Variants in SGK3 observed in about 807,000 individuals in gnomAD.
SGK3 encodes the protein serum/glucocorticoid regulated kinase family member 3.
Under a neutral mutation model 68.5 loss-of-function variants are expected in SGK3, and 47 were observed. That is an observed-to-expected ratio of 0.69 (90% confidence interval 0.54 to 0.87). The LOEUF is 0.87. Ranked by LOEUF, SGK3 falls within the 40% of genes least tolerant of loss-of-function variation. The pLI is 0.00. For synonymous variants in SGK3, 181 were observed against 189.1 expected, an observed-to-expected ratio of 0.96 and a Z score of 0.35; for missense variants, 479 against 575.5, an observed-to-expected ratio of 0.83 and a Z score of 1.72.
At chr8:66,759,883 C>T (rs950402137) in intron 1 of SGK3, among the ~76,000 whole-genome samples, 15 of 152,088 alleles carry the variant, frequency 9.9e-5, no homozygotes, top group Admixed American at 2.0e-4. Context: ...CCACGCCCAG[C>T]CCCTCTTCTG....
At chr8:66,802,671 A>G (rs1330930078) in intron 3 of SGK3, among the ~76,000 whole-genome samples, 2 of 151,578 alleles carry the variant, frequency 1.3e-5, no homozygotes, top group Non-Finnish European at 2.9e-5. Context: ...CTTAAGGGAA[A>G]AAAGAAAGAA....
chr8:66,759,638 G>T (rs576908836), intron 1 of SGK3, among the ~76,000 whole-genome samples: 137 of 152,046 alleles, frequency 9.0e-4, no homozygotes, highest in African/African-American at 3.1e-3. Context: ...CACCATTTTG[G>T]CCAGGATGGT....
intron 11 of SGK3, 46 bp from the exon 12 acceptor site, chr8:66,840,165 T>C (rs751304872): frequency 1.9e-6 from 3 of 1,598,572 alleles, no homozygotes. Flanking sequence ...AATATTTTAT[T>C]TCGGTTTGTA....
intron 5 of SGK3, among the ~76,000 whole-genome samples, chr8:66,820,100 G>C (rs1301186906): frequency 1.3e-5 from 2 of 152,142 alleles, no homozygotes; most frequent in Non-Finnish European, 2.9e-5. Flanking sequence ...ACAGGTGTGA[G>C]CCACTGCACC....
Position 66,836,496 on chromosome 8 carries a change from C to G in SGK3, c.741+422C>G, listed in dbSNP as rs538324214. Among the ~76,000 whole-genome samples, 18 of 152,136 alleles carry G rather than the reference C, an allele frequency of 1.2e-4. No individual in the cohort carries two copies. The South Asian group carries it at 3.7e-3, about 32-fold the overall frequency. ...CTAATAAGGGGCTCTGTGGTGGTAGCTTGGCTCAGTGACTCGCACCTTTAA... is the reference window on the plus strand; with the variant it reads ...CTAATAAGGGGCTCTGTGGTGGTAGGTTGGCTCAGTGACTCGCACCTTTAA... On this transcript the variant is annotated intron_variant, in intron 10 of 16. Transcript: ENST00000521198.
At position 66,777,825 on chromosome 8, in the gene SGK3, G is replaced by T. The variant is rs1288814726; in HGVS notation, c.-121-15791G>T. On this transcript the variant is annotated intron_variant, in intron 1 of 16. Transcript: ENST00000521198. Reference sequence around the variant, plus strand: ...GATGAAGAGATGAGTTCCAGTTTAGGTTTGTAAATATGACAGTAGAATTAA... The same window carrying T: ...GATGAAGAGATGAGTTCCAGTTTAGTTTTGTAAATATGACAGTAGAATTAA... 5 of 152,196 alleles carry T rather than the reference G, an allele frequency of 3.3e-5. No homozygotes were observed. In the East Asian group the frequency reaches 7.7e-4, roughly 23 times the overall value. 9.4% of individuals were successfully genotyped at this position (152,196 alleles called of 1,614,324 possible). A position where few individuals can be genotyped will look rare whatever the true frequency, so the allele number is the denominator to read the frequency against.
chr8:66,723,035 A>G (rs1804841622), intron 1 of SGK3, among the ~76,000 whole-genome samples: 1 of 146,240 alleles, frequency 6.8e-6, no homozygotes, highest in South Asian at 2.2e-4. Flanking sequence ...AGAAACAAAT[A>G]TCCAAACTAT....
intron 1 of SGK3, among the ~76,000 whole-genome samples, chr8:66,741,875 C>T (rs1350713265): frequency 4.6e-5 from 7 of 152,316 alleles, no homozygotes; most frequent in South Asian, 2.1e-4. Flanking sequence ...AAGGAAGTTA[C>T]GGTCTAATTG....
intron 1 of SGK3, among the ~76,000 whole-genome samples, chr8:66,730,264 A>G (rs952718264): frequency 1.3e-5 from 2 of 152,216 alleles, no homozygotes; most frequent in African/African-American, 4.8e-5. Context: ...TCTTCTCTAC[A>G]GAAATGTCTA....
At chr8:66,737,145 T>A (rs1805342585) in intron 1 of SGK3, 1 of 151,824 alleles carries the variant, frequency 6.6e-6, no homozygotes, top group African/African-American at 2.4e-5. Flanking sequence ...TCTTAATAGA[T>A]AAAATTTTAT....
At chr8:66,747,958 C>T (rs865795357) in intron 1 of SGK3, among the ~76,000 whole-genome samples, 3 of 152,194 alleles carry the variant, frequency 2.0e-5, no homozygotes, top group African/African-American at 4.8e-5. Flanking sequence ...CTTGGATTCT[C>T]GCACTGTGGA....
chr8:66,818,231 T>G (rs765393528), intron 5 of SGK3, among the ~76,000 whole-genome samples: 5 of 151,712 alleles, frequency 3.3e-5, no homozygotes, highest in Non-Finnish European at 7.4e-5. Context: ...GGACGATAGA[T>G]AAATACATTT....
intron 1 of SGK3, among the ~76,000 whole-genome samples, chr8:66,717,292 G>A (rs1804664714): frequency 6.6e-6 from 1 of 151,644 alleles, no homozygotes; most frequent in Non-Finnish European, 1.5e-5. Flanking sequence ...CATTTTGGGA[G>A]GCTGAGGCTG....
intron 16 of SGK3, among the ~76,000 whole-genome samples, chr8:66,854,965 A>G (rs1810448522): frequency 6.6e-6 from 1 of 152,094 alleles, no homozygotes; most frequent in Admixed American, 6.6e-5. Flanking sequence ...CCTGGGCAAC[A>G]TGGCAAGACC....
intron 2 of SGK3, among the ~76,000 whole-genome samples, chr8:66,797,455 G>C (rs1373688262): frequency 2.0e-5 from 3 of 152,114 alleles, no homozygotes; most frequent in African/African-American, 7.2e-5. Flanking sequence ...GAGACAACCA[G>C]ATTCCTTCTC....
At position 66,796,321 on chromosome 8, in the gene SGK3, A is replaced by ATTTTTTTTT. The variant is rs71249408; in HGVS notation, c.97-2198_97-2190dup. ...CCAGCTAATTTTTTGTATTTTTTGT[A>ATTTTTTTTT]TTTTTTTTTTTTTTTTTTTTTTTTT... On this transcript the variant is annotated intron_variant, in intron 2 of 16. Transcript: ENST00000521198. 2.1e-3 allele frequency among the ~76,000 whole-genome samples: 86 copies of ATTTTTTTTT among 41,364 alleles called. 5 individuals carry two copies. Among genetic ancestry groups the ATTTTTTTTT allele is most frequent in the East Asian group, 4.5e-3 (4 of 892 alleles). The allele number at this position is 41,364 out of a possible 152,430, so 27.1% of individuals were successfully genotyped here.
chr8:66,715,156 G>A (rs1175153207), intron 1 of SGK3, among the ~76,000 whole-genome samples: 2 of 152,298 alleles, frequency 1.3e-5, no homozygotes, highest in African/African-American at 4.8e-5. Flanking sequence ...AAAGAAAATA[G>A]GTTGGGTATT....
rs1807795905 is a variant in SGK3 at position 66,798,528 on chromosome 8, T to G, written c.97-14T>G. On this transcript the variant is annotated splice_polypyrimidine_tract_variant and intron_variant, in intron 2 of 16. Transcript: ENST00000521198. Reference sequence around the variant, plus strand: ...TTAAATTGTGTTATATTATGTAATTTTTTATTTCCACAGGTTTATAAAGTT... The same window carrying G: ...TTAAATTGTGTTATATTATGTAATTGTTTATTTCCACAGGTTTATAAAGTT... The G allele has an allele frequency of 4.4e-6, 7 of 1,596,238 alleles. No individual in the cohort carries two copies. The highest frequency in any genetic ancestry group is 6.0e-6 in the Non-Finnish European group (7 of 1,172,116).
intron 1 of SGK3, among the ~76,000 whole-genome samples, chr8:66,736,540 C>T (rs2130382821): frequency 6.6e-6 from 1 of 152,002 alleles, no homozygotes; most frequent in East Asian, 1.9e-4. Flanking sequence ...CCACTGCAGC[C>T]TTGAACTCCT....
Sources: allele counts gnomAD v4.1 joint callset (sites outside exome capture counted in the v4.1 genomes callset), GRCh38; gene constraint gnomAD v4.1.1; transcripts MANE v1.5; gene names NCBI Gene and HGNC (gene_info 2026-07-23, HGNC 2026-07-21).